The following POT1 variants were observed in gnomAD, a reference collection of about 807,000 sequenced individuals.
POT1 encodes the protein protection of telomeres 1.
POT1 carries 47 observed loss-of-function variants against 78.5 expected under a neutral mutation model. The ratio of observed to expected loss-of-function variants is 0.60; its 90% CI spans 0.47 to 0.76. The LOEUF (loss-of-function observed/expected upper bound fraction) is 0.76. Ranked by LOEUF, POT1 falls within the 30% of genes least tolerant of loss-of-function variation. POT1 has a pLI of 0.00. For synonymous variants in POT1, 259 were observed against 260.7 expected (o/e 0.99, Z 0.06); for missense variants, 646 against 749.9 (o/e 0.86, Z 1.62).
At chr7:124,919,534 A>C (rs1406560556) in intron 2 of POT1, among the ~76,000 whole-genome samples, 1 of 152,122 alleles carries the variant, frequency 6.6e-6, no homozygotes. Context: ...AGGCCATTAG[A>C]ATGTGCCTCT....
intron 12 of POT1, among the ~76,000 whole-genome samples, chr7:124,845,488 G>A (rs1272744735): frequency 2.6e-5 from 4 of 152,028 alleles, no homozygotes; most frequent in African/African-American, 9.7e-5. Context: ...CACATCAAGG[G>A]GCATACAAAG....
At chr7:124,902,395 T>G (rs139479078) in intron 3 of POT1, among the ~76,000 whole-genome samples, 3,063 of 152,278 alleles carry the variant, frequency 0.02, 97 homozygotes, top group African/African-American at 0.068. Flanking sequence ...AAAAGAATTT[T>G]CAACCCAGAA....
chr7:124,900,198 AC>A (rs1186900607), intron 3 of POT1, among the ~76,000 whole-genome samples: 15 of 152,082 alleles, frequency 9.9e-5, no homozygotes, highest in African/African-American at 3.4e-4. Flanking sequence ...ATTTCCACAT[AC>A]TTCCCATTCA....
intron 6 of POT1, 36 bp from the exon 7 acceptor site, chr7:124,871,077 T>C (rs754541746): frequency 6.5e-7 from 1 of 1,526,914 alleles, no homozygotes; most frequent in Non-Finnish European, 8.9e-7. Flanking sequence ...TGACTTTCAA[T>C]ATTTTAAAGC....
At chr7:124,826,550 C>T (rs1476125937) in intron 17 of POT1, among the ~76,000 whole-genome samples, 3 of 152,084 alleles carry the variant, frequency 2.0e-5, no homozygotes, top group Admixed American at 6.6e-5. Context: ...TAACTTCATT[C>T]CTCTAATATG....
rs562186274 is a variant in POT1, at chr7:124,895,700, G to C, written c.9+1465C>G. Among the ~76,000 whole-genome samples the C allele has an allele frequency of 5.3e-5, 8 of 151,714 alleles. No individual in the cohort carries two copies. The South Asian group carries it at 1.5e-3, about 28-fold the overall frequency. On this transcript the variant is annotated intron_variant, in intron 5 of 18. Coordinates refer to ENST00000357628, the MANE Select transcript of POT1 (RefSeq NM_015450.3). The stretch of plus-strand genomic sequence containing the variant: ...TAGAATTGTCTTAGAAGGTCTATTT[G>C]AAAAGATATTTAAAGAAAGAACTAA...
intron 6 of POT1, among the ~76,000 whole-genome samples, chr7:124,877,425 G>A (rs574740714): frequency 5.9e-5 from 9 of 152,120 alleles, no homozygotes; most frequent in African/African-American, 2.2e-4. Context: ...AAAAAGCAGA[G>A]TACGGACAAT....
At chr7:124,888,766 T>C (rs1280524513) in intron 6 of POT1, among the ~76,000 whole-genome samples, 1 of 152,014 alleles carries the variant, frequency 6.6e-6, no homozygotes, top group Non-Finnish European at 1.5e-5. Flanking sequence ...GTTATGGTGA[T>C]CTGTGATCAG....
chr7:124,845,163 C>T (rs1795134891), intron 12 of POT1, among the ~76,000 whole-genome samples: 1 of 152,160 alleles, frequency 6.6e-6, no homozygotes, highest in Non-Finnish European at 1.5e-5. Flanking sequence ...AATTAATTAA[C>T]AAACATTACT....
At chr7:124,890,439 A>C (rs1212932488) in intron 6 of POT1, among the ~76,000 whole-genome samples, 3 of 152,016 alleles carry the variant, frequency 2.0e-5, no homozygotes, top group Non-Finnish European at 4.4e-5. Flanking sequence ...ATAATGCAGC[A>C]GCAGGGTTGA....
chr7:124,891,892 T>C (rs1466148147), intron 6 of POT1, among the ~76,000 whole-genome samples: 1 of 151,696 alleles, frequency 6.6e-6, no homozygotes, highest in African/African-American at 2.4e-5. Flanking sequence ...GTTATAGCTT[T>C]TATATATTTG....
chr7:124,863,211 G>T, intron 8 of POT1, 139 bp downstream of exon 8: 1 of 769,684 alleles, frequency 1.3e-6, no homozygotes. Flanking sequence ...GAATATTGAG[G>T]CTCGTCAAAA....
intron 15 of POT1, among the ~76,000 whole-genome samples, chr7:124,830,401 A>G (rs1448601455): frequency 6.6e-6 from 1 of 152,174 alleles, no homozygotes; most frequent in Non-Finnish European, 1.5e-5. Flanking sequence ...TGAGGAAAAC[A>G]AGAGGGTAAC....
intron 6 of POT1, among the ~76,000 whole-genome samples, chr7:124,877,628 C>T (rs1311818797): frequency 2.6e-5 from 4 of 151,624 alleles, no homozygotes; most frequent in Non-Finnish European, 5.9e-5. Flanking sequence ...GTCAGGAGAT[C>T]GAGACCATCC....
intron 14 of POT1, among the ~76,000 whole-genome samples, chr7:124,836,228 C>T (rs1184823886): frequency 1.3e-5 from 2 of 151,984 alleles, no homozygotes; most frequent in African/African-American, 4.8e-5. Context: ...TGGAAATTAC[C>T]AGAGGCCTTC....
intron 8 of POT1, among the ~76,000 whole-genome samples, chr7:124,860,920 T>C (rs1275128743): frequency 6.6e-6 from 1 of 152,126 alleles, no homozygotes; most frequent in Non-Finnish European, 1.5e-5. Flanking sequence ...GTCCATGTCC[T>C]TGCAAAGGAT....
intron 2 of POT1, among the ~76,000 whole-genome samples, chr7:124,928,027 A>T (rs1797316739): frequency 6.6e-6 from 1 of 152,178 alleles, no homozygotes; most frequent in African/African-American, 2.4e-5. Context: ...TAATAACAGT[A>T]CCTATGTCAT....
At chr7:124,897,029 T>A in intron 5 of POT1, 136 bp downstream of exon 5, 2 of 444,394 alleles carry the variant, frequency 4.5e-6, no homozygotes, top group Non-Finnish European at 8.1e-6. Context: ...AAGTAAAGAT[T>A]ATGTTTTTCC....
chr7:124,829,913 G>A (rs1584749635), intron 15 of POT1, among the ~76,000 whole-genome samples: 1 of 151,950 alleles, frequency 6.6e-6, no homozygotes, highest in East Asian at 1.9e-4. Context: ...TGCCCAGGCT[G>A]GTCTCAACTC....
Sources: gnomAD v4.1 joint callset for allele counts (sites outside exome capture counted in the v4.1 genomes callset) on GRCh38, gnomAD v4.1.1 for gene constraint, MANE v1.5 for transcripts, NCBI Gene and HGNC (gene_info 2026-07-23, HGNC 2026-07-21) for gene names.